RNF6: variants seen among roughly 807,000 people sequenced by gnomAD.
RNF6 encodes E3 ubiquitin-protein ligase RNF6.
In RNF6, 21 loss-of-function variants were observed where a neutral mutation model predicts 50.1. The ratio of observed to expected loss-of-function variants is 0.42; its 90% CI spans 0.30 to 0.60. The LOEUF (loss-of-function observed/expected upper bound fraction) is 0.60, where lower values mean the gene tolerates loss of function less well. Among genes scored for constraint, RNF6 ranks in the 20% least tolerant of loss-of-function variants. The pLI is 0.20. For synonymous variants in RNF6, 255 were observed against 291.8 expected (o/e 0.87, Z 1.29); for missense variants, 698 against 838.2 (o/e 0.83, Z 2.07).
downstream of RNF6, among the ~76,000 whole-genome samples, chr13:26,212,219 T>C (rs1869355541): frequency 6.6e-6 from 1 of 152,186 alleles, no homozygotes; most frequent in Non-Finnish European, 1.5e-5. Context: ...TCAAGAGACA[T>C]CTAACATCTC....
intron 5 of RNF6, among the ~76,000 whole-genome samples, chr13:26,145,900 A>G (rs1384555681): frequency 6.6e-6 from 1 of 152,180 alleles, no homozygotes; most frequent in Non-Finnish European, 1.5e-5. Flanking sequence ...GGATTTTTCC[A>G]GCTGCTTGTG....
chr13:26,189,460 A>G (rs966073360), intron 5 of RNF6, among the ~76,000 whole-genome samples: 1 of 152,218 alleles, frequency 6.6e-6, no homozygotes, highest in Admixed American at 6.5e-5. Context: ...TTGTTTATGT[A>G]TATCTGTGTT....
At chr13:26,207,162 G>A (rs1209625737) in intron 5 of RNF6, among the ~76,000 whole-genome samples, 3 of 151,650 alleles carry the variant, frequency 2.0e-5, no homozygotes, top group Admixed American at 6.6e-5. Flanking sequence ...GACAGTTAAA[G>A]GACAAGCAGG....
rs539063506 is a variant in RNF6, at chr13:26,132,810, G to T, written n.769-359C>A. 3.8e-4 allele frequency among the ~76,000 whole-genome samples: 58 copies of T among 152,318 alleles called. 2 individuals carry two copies. The South Asian group carries it at 0.012, about 30-fold the overall frequency. ...TATCGATCACACTTTGAGTAGCAAG[G>T]ATTTAGAACAGTGGTTCCAAACTTT... On this transcript the variant is annotated intron_variant and non_coding_transcript_variant, in intron 5 of 5. Transcript: ENST00000468480.
intron 5 of RNF6, among the ~76,000 whole-genome samples, chr13:26,186,387 G>T (rs1393575830): frequency 1.3e-5 from 2 of 152,238 alleles, no homozygotes; most frequent in African/African-American, 4.8e-5. Flanking sequence ...GCTGTCCCGC[G>T]GCAGGAACGC....
At chr13:26,138,484 A>G (rs1397121993) in intron 5 of RNF6, among the ~76,000 whole-genome samples, 1 of 152,094 alleles carries the variant, frequency 6.6e-6, no homozygotes, top group Non-Finnish European at 1.5e-5. Context: ...TTTCTTTGTA[A>G]CTCCTTGTTT....
intron 5 of RNF6, among the ~76,000 whole-genome samples, chr13:26,184,018 A>ATTTTTTTT (rs1169961717): frequency 5.9e-5 from 2 of 33,940 alleles, no homozygotes; most frequent in African/African-American, 1.9e-4. Flanking sequence ...ATATATATAT[A>ATTTTTTTT]TTTTTTTTTT....
At chr13:26,221,354 A>G (rs1870471741) in intron 1 of RNF6, 24 bp from the exon 2 acceptor site, 1 of 152,232 alleles carries the variant, frequency 6.6e-6, no homozygotes, top group Admixed American at 6.5e-5. Flanking sequence ...AGAGAGTTGA[A>G]TAATTCAATA....
intron 2 of RNF6, among the ~76,000 whole-genome samples, chr13:26,220,583 G>A (rs966376693): frequency 1.3e-5 from 2 of 152,078 alleles, no homozygotes; most frequent in African/African-American, 2.4e-5. Context: ...CTCACTTAAG[G>A]GTATTTTTAA....
At chr13:26,137,554 T>C (rs1870713943) in intron 5 of RNF6, among the ~76,000 whole-genome samples, 1 of 151,862 alleles carries the variant, frequency 6.6e-6, no homozygotes, top group African/African-American at 2.4e-5. Flanking sequence ...TCAGTTATGT[T>C]GAGTATCTTC....
intron 5 of RNF6, among the ~76,000 whole-genome samples, chr13:26,203,388 G>A (rs151310127): frequency 3.3e-5 from 5 of 152,216 alleles, no homozygotes; most frequent in African/African-American, 1.2e-4. Context: ...AGGAGGATTC[G>A]GGCTAAGCCA....
At chr13:26,174,049 A>G (rs1378950523) in intron 5 of RNF6, among the ~76,000 whole-genome samples, 7 of 152,198 alleles carry the variant, frequency 4.6e-5, no homozygotes, top group Admixed American at 3.9e-4. Context: ...TGTTTGTTGA[A>G]TTCCATGTAC....
At chr13:26,218,664 ATGAAGGG>A in intron 3 of RNF6, 58 bp from the exon 4 acceptor site, 9 of 1,318,454 alleles carry the variant, frequency 6.8e-6, no homozygotes, top group Non-Finnish European at 8.8e-6. Context: ...ATGAGACCTC[ATGAAGGG>A]TAAGACTAAT....
At chr13:26,189,306 C>T (rs1052684082) in intron 5 of RNF6, among the ~76,000 whole-genome samples, 15 of 148,482 alleles carry the variant, frequency 1.0e-4, no homozygotes, top group East Asian at 2.1e-4. Context: ...GCAGCCTGGG[C>T]GACAGAGCCA....
At chr13:26,187,059 G>A (rs1041881457) in intron 5 of RNF6, among the ~76,000 whole-genome samples, 1 of 145,118 alleles carries the variant, frequency 6.9e-6, no homozygotes, top group Admixed American at 6.8e-5. Context: ...TTACAGGCAT[G>A]AGCCACCGCG....
intron 5 of RNF6, among the ~76,000 whole-genome samples, chr13:26,132,927 G>A (rs1383505812): frequency 6.6e-6 from 1 of 151,994 alleles, no homozygotes; most frequent in Non-Finnish European, 1.5e-5. Context: ...TCTGCGGTGG[G>A]GGGTGCCAGA....
At chr13:26,167,353 C>T (rs1219093249) in intron 5 of RNF6, among the ~76,000 whole-genome samples, 3 of 151,926 alleles carry the variant, frequency 2.0e-5, no homozygotes, top group Non-Finnish European at 4.4e-5. Flanking sequence ...AACAAATTTA[C>T]AAGAAAAAAC....
intron 5 of RNF6, among the ~76,000 whole-genome samples, chr13:26,177,067 G>A (rs9581572): frequency 0.044 from 6,655 of 152,202 alleles, 195 homozygotes; most frequent in South Asian, 0.072. Flanking sequence ...AGATCGGCGG[G>A]GACCACCAGA....
At chr13:26,192,468 C>G (rs942969669) in intron 5 of RNF6, among the ~76,000 whole-genome samples, 1 of 152,186 alleles carries the variant, frequency 6.6e-6, no homozygotes, top group African/African-American at 2.4e-5. Flanking sequence ...TATTCATGCC[C>G]TTGTGTAATA....
Sources: allele counts gnomAD v4.1 joint callset (sites outside exome capture counted in the v4.1 genomes callset), GRCh38; gene constraint gnomAD v4.1.1; transcripts MANE v1.5; gene names NCBI Gene and HGNC (gene_info 2026-07-23, HGNC 2026-07-21).